Variants in LHX2 observed in about 807,000 individuals in gnomAD.
The protein encoded by LHX2 is LIM/homeobox protein Lhx2.
A neutral mutation model predicts 33.0 loss-of-function variants in LHX2; 6 were observed. The ratio of observed to expected loss-of-function variants is 0.18; its 90% CI spans 0.10 to 0.36. The LOEUF is 0.36. LHX2 is among the 10% of genes least tolerant of loss of function. The pLI is 1.00. For synonymous variants in LHX2, 292 were observed against 253.1 expected (o/e 1.15, Z -1.46); for missense variants, 442 against 586.2 (o/e 0.75, Z 2.54).
Position 124,032,807 on chromosome 9 carries a change from AC to A in LHX2, c.*102del. 7.6e-7 allele frequency: 1 copy of A among 1,315,862 alleles called. No homozygotes were observed. The highest frequency in any genetic ancestry group is 1.0e-6 in the Non-Finnish European group (1 of 963,978). 81.5% of individuals were successfully genotyped at this position (1,315,862 alleles called of 1,614,324 possible). A position where few individuals can be genotyped will look rare whatever the true frequency, so the allele number is the denominator to read the frequency against. On this transcript the variant is annotated 3_prime_UTR_variant, in exon 5 of 5. Coordinates refer to ENST00000373615, the MANE Select transcript of LHX2 (RefSeq NM_004789.4). This position sits in a 1 kb window ranked among gnomAD's most constrained non-coding sequence, Gnocchi z 4.1. ...AATAGAGGCTTTGAGCAACTAACTA[AC>A]CACATTTTAGGATCTCGCCTGGAAA...
At chr9:124,029,502 T>A (rs1828679553) in intron 4 of LHX2, among the ~76,000 whole-genome samples, 1 of 152,148 alleles carries the variant, frequency 6.6e-6, no homozygotes, top group Non-Finnish European at 1.5e-5. Context: ...TGAATTTTCA[T>A]CTACCAGATT....
intron 4 of LHX2, among the ~76,000 whole-genome samples, chr9:124,028,242 T>C (rs984162618): frequency 6.6e-6 from 1 of 152,146 alleles, no homozygotes; most frequent in African/African-American, 2.4e-5. Context: ...AAGCAACGTG[T>C]GCTTCTTCAT....
At chr9:124,023,246 T>C (rs28650195) in intron 4 of LHX2, among the ~76,000 whole-genome samples, 12,456 of 152,038 alleles carry the variant, frequency 0.082, 706 homozygotes, top group African/African-American at 0.16. Context: ...CTGGGCCACA[T>C]TGGAAGAAGA....
chr9:124,015,024 A>T lies in LHX2; in HGVS notation c.324-98A>T. 1 of 1,397,144 alleles carries T rather than the reference A, an allele frequency of 7.2e-7. No homozygotes were observed. Among genetic ancestry groups the T allele is most frequent in the Non-Finnish European group, 9.8e-7 (1 of 1,018,642 alleles). The allele number at this position is 1,397,144 out of a possible 1,614,324, so 86.5% of individuals were successfully genotyped here. A position where few individuals can be genotyped will look rare whatever the true frequency, so the allele number is the denominator to read the frequency against. ...AAAGGCCGGGTTGTTCGTCTTGAGG[A>T]GGGGATTGCCCCCCGCAGCAGCAGC... On this transcript the variant is annotated intron_variant, in intron 2 of 4. Transcript: ENST00000373615. The surrounding 1 kb of genome is among the most constrained non-coding windows in gnomAD (Gnocchi z 7.9).
At position 124,032,872 on chromosome 9, in the gene LHX2, G is replaced by A; in HGVS notation, c.*165G>A. ...AAGAAGTGTGCGCCCGGCTAATGCA[G>A]CGGTGTGGACCGAGGAACAACTTGG... On this transcript the variant is annotated 3_prime_UTR_variant, in exon 5 of 5. Coordinates refer to ENST00000373615, the MANE Select transcript of LHX2 (RefSeq NM_004789.4). The surrounding 1 kb of genome is among the most constrained non-coding windows in gnomAD (Gnocchi z 4.1). The A allele has an allele frequency of 1.4e-6, 1 of 722,804 alleles. No homozygotes were observed. The highest frequency in any genetic ancestry group is 2.2e-6 in the Non-Finnish European group (1 of 458,282). 44.8% of individuals were successfully genotyped at this position (722,804 alleles called of 1,614,324 possible).
chr9:124,014,083 C>T lies in LHX2; in HGVS notation c.243C>T (p.Cys81=). ...GGCACATGCGCTGCCTCAAGTGCTG[C>T]GAGTGCAAGCTCAACCTGGAGTCGG... ...KQWHMRCLKC[C]ECKLNLESEL... is the part of the protein sequence containing the mutation. The change falls in exon 2 of 5, where the codon TGC becomes TGT. Residue 81 remains cysteine, a synonymous_variant. Transcript: ENST00000373615. The surrounding 1 kb of genome is among the most constrained non-coding windows in gnomAD (Gnocchi z 4.8). The T allele has an allele frequency of 3.1e-6, 5 of 1,613,724 alleles. No individual in the cohort carries two copies. The highest frequency in any genetic ancestry group is 4.2e-6 in the Non-Finnish European group (5 of 1,180,020).
intron 4 of LHX2, among the ~76,000 whole-genome samples, chr9:124,025,618 G>A (rs552491223): frequency 2.4e-4 from 37 of 152,202 alleles, no homozygotes; most frequent in African/African-American, 7.5e-4. Flanking sequence ...GATTTGGGTG[G>A]GTGAAGGTCT....
chr9:124,015,381 G>A lies in LHX2; in HGVS notation c.583G>A (p.Ala195Thr), dbSNP rs1378909150. ...GGCAGCGGCGGCCGCTGCAGCCGCG[G>A]CGGCCAAGAGCGCGGGGCTGGGCGC... is the stretch of plus-strand genomic sequence containing the variant. ...DVAAAAAAAA[A>T]AKSAGLGAAG... is the part of the protein sequence containing the mutation. The change falls in exon 3 of 5, where the codon GCG (alanine) becomes ACG (threonine). Residue 195 changes from alanine (A) to threonine (T), a missense_variant. Ala to Thr is a moderately conservative substitution (Grantham distance 58). This residue lies in a region of LHX2 where 132 missense variants were observed against 139.1 expected (regional missense o/e 0.95). Coordinates refer to ENST00000373615, the MANE Select transcript of LHX2 (RefSeq NM_004789.4). This position sits in a 1 kb window ranked among gnomAD's most constrained non-coding sequence, Gnocchi z 7.9. 2 of 1,609,666 alleles carry A rather than the reference G, an allele frequency of 1.2e-6. No individual in the cohort carries two copies. Among genetic ancestry groups the A allele is most frequent in the Admixed American group, 3.4e-5 (2 of 59,660 alleles).
chr9:124,024,185 C>T (rs1009975096), intron 4 of LHX2, among the ~76,000 whole-genome samples: 5 of 152,262 alleles, frequency 3.3e-5, no homozygotes, highest in African/African-American at 1.2e-4. Flanking sequence ...TCCCAGACCA[C>T]ATTTGCACAA....
At chr9:124,027,743 G>A (rs571141102) in intron 4 of LHX2, among the ~76,000 whole-genome samples, 6 of 152,206 alleles carry the variant, frequency 3.9e-5, no homozygotes, top group South Asian at 4.1e-4. Context: ...GCTTGAACCC[G>A]GGAGGCAGAG....
At chr9:124,030,627 C>CTTTTT (rs35399092) in intron 4 of LHX2, among the ~76,000 whole-genome samples, 526 of 105,414 alleles carry the variant, frequency 5.0e-3, no homozygotes, top group Non-Finnish European at 6.1e-3. Flanking sequence ...TTTTTCTTTT[C>CTTTTT]TTTTTTTTTT....
In LHX2 at chr9:124,019,557, T is replaced by C. The variant is rs117401883; in HGVS notation, c.728-1542T>C. 1.9e-3 allele frequency among the ~76,000 whole-genome samples: 286 copies of C among 152,366 alleles called. 4 individuals carry two copies. In the East Asian group the frequency reaches 0.047, roughly 25 times the overall value. On this transcript the variant is annotated intron_variant, in intron 3 of 4. Transcript: ENST00000373615. ...TTAGATAAATGACAATTTTTTAGCA[T>C]AGCTGTGTCACCTGTAGTATTTGAA...
Position 124,015,647 on chromosome 9 carries a change from C to T in LHX2, c.727+122C>T. 1 of 1,154,740 alleles carries T rather than the reference C, an allele frequency of 8.7e-7. No homozygotes were observed. The highest frequency in any genetic ancestry group is 1.8e-5 in the South Asian group (1 of 56,472). 71.5% of individuals were successfully genotyped at this position (1,154,740 alleles called of 1,614,324 possible). On this transcript the variant is annotated intron_variant, in intron 3 of 4. Transcript: ENST00000373615. This position sits in a 1 kb window ranked among gnomAD's most constrained non-coding sequence, Gnocchi z 7.9. ...ATAGCGAGCCTTAAGCACCGGACGGCCTCGCAGAAGGGACATTAGCCCCCT... is the reference window on the plus strand; with the variant it reads ...ATAGCGAGCCTTAAGCACCGGACGGTCTCGCAGAAGGGACATTAGCCCCCT...
intron 3 of LHX2, among the ~76,000 whole-genome samples, chr9:124,017,752 G>C (rs929453420): frequency 6.6e-6 from 1 of 151,584 alleles, no homozygotes; most frequent in Non-Finnish European, 1.5e-5. Context: ...AGGGGGCGCC[G>C]TCGGGGCGCC....
At chr9:124,029,049 T>C (rs1828672527) in intron 4 of LHX2, among the ~76,000 whole-genome samples, 1 of 151,520 alleles carries the variant, frequency 6.6e-6, no homozygotes, top group Non-Finnish European at 1.5e-5. Context: ...GAGGCAGAGG[T>C]TGAAATGAGC....
At chr9:124,022,879 G>A (rs537170802) in intron 4 of LHX2, among the ~76,000 whole-genome samples, 75 of 152,342 alleles carry the variant, frequency 4.9e-4, no homozygotes, top group African/African-American at 1.8e-3. Flanking sequence ...GGGAGAGGGA[G>A]GACTGGGTGA....
chr9:124,026,804 A>G (rs1242351595), intron 4 of LHX2, among the ~76,000 whole-genome samples: 4 of 152,206 alleles, frequency 2.6e-5, no homozygotes, highest in Admixed American at 2.6e-4. Flanking sequence ...GAAAAATGCA[A>G]GGGTACAATT....
At position 124,013,943 on chromosome 9, in the gene LHX2, G is replaced by A; in HGVS notation, c.121-18G>A. The A allele has an allele frequency of 8.1e-6, 13 of 1,607,232 alleles. No homozygotes were observed. The highest frequency in any genetic ancestry group is 1.0e-5 in the Non-Finnish European group (12 of 1,176,520). On this transcript the variant is annotated intron_variant, in intron 1 of 4. Coordinates refer to ENST00000373615, the MANE Select transcript of LHX2 (RefSeq NM_004789.4). ...GCTGACGCAGGCGCTGCTGTCTTCC[G>A]CCTCCCTCCCTTCGCAGACCATGCC...
At chr9:124,031,270 A>C (rs1036281388) in intron 4 of LHX2, among the ~76,000 whole-genome samples, 1 of 151,890 alleles carries the variant, frequency 6.6e-6, no homozygotes, top group African/African-American at 2.4e-5. Flanking sequence ...GGCTCCCCCA[A>C]CCGATGATGG....
Sources: allele counts gnomAD v4.1 joint callset (sites outside exome capture counted in the v4.1 genomes callset), GRCh38; gene constraint gnomAD v4.1.1; regional missense constraint gnomAD v4.1.1; non-coding constraint Gnocchi (gnomAD v3.1); transcripts MANE v1.5; gene names NCBI Gene and HGNC (gene_info 2026-07-23, HGNC 2026-07-21).